The following DNASE1 variants were observed in gnomAD, a reference collection of about 807,000 sequenced individuals.
DNASE1 encodes the protein deoxyribonuclease 1.
In DNASE1, 40 loss-of-function variants were observed where a neutral mutation model predicts 33.9. The ratio of observed to expected loss-of-function variants is 1.18; its 90% confidence interval spans 0.92 to 1.54. The LOEUF is 1.54. Among genes scored for constraint, DNASE1 ranks in the 40% most tolerant of loss-of-function variants. DNASE1 has a pLI of 0.00. For synonymous variants in DNASE1, 216 were observed against 160.0 expected (o/e 1.35, Z -2.64); for missense variants, 518 against 372.6 (o/e 1.39, Z -3.21).
upstream of DNASE1, among the ~76,000 whole-genome samples, chr16:3,641,619 C>A (rs779084218): frequency 6.6e-5 from 10 of 152,234 alleles, no homozygotes; most frequent in Non-Finnish European, 1.2e-4. Context: ...CCCACAGGTG[C>A]CCTCAGAAAA....
At chr16:3,618,318 G>T (rs778624609) in intron 1 of DNASE1, among the ~76,000 whole-genome samples, 10 of 152,092 alleles carry the variant, frequency 6.6e-5, no homozygotes, top group Non-Finnish European at 1.3e-4. Context: ...TTGCTGGAGG[G>T]AATGTAAAAT....
At chr16:3,651,644 T>C (rs1002319934), upstream of DNASE1, 1 of 152,248 alleles carries the variant, frequency 6.6e-6, no homozygotes, top group Admixed American at 6.5e-5. Context: ...CGTGTTCTGC[T>C]TGTGCCCTGG....
chr16:3,656,812 C>G (rs2042677705), intron 5 of DNASE1, 59 bp downstream of exon 5: 1 of 1,549,910 alleles, frequency 6.5e-7, no homozygotes, highest in South Asian at 1.2e-5. Flanking sequence ...TCCACCCCCT[C>G]CTAGGGAACC....
intron 1 of DNASE1, among the ~76,000 whole-genome samples, chr16:3,636,221 C>A (rs1204157099): frequency 6.6e-6 from 1 of 150,708 alleles, no homozygotes; most frequent in Non-Finnish European, 1.5e-5. Context: ...ATCGATGAAT[C>A]CATCAAAGGC....
chr16:3,617,067 C>T (rs1041759078), intron 1 of DNASE1, among the ~76,000 whole-genome samples: 10 of 151,930 alleles, frequency 6.6e-5, no homozygotes, highest in South Asian at 2.1e-4. Context: ...GTAGGCTGGG[C>T]GTGGTGGCTC....
At chr16:3,630,466 C>A (rs2151176543) in intron 1 of DNASE1, among the ~76,000 whole-genome samples, 1 of 152,268 alleles carries the variant, frequency 6.6e-6, no homozygotes. Flanking sequence ...CGGGCATGAG[C>A]CACTGTTTCT....
upstream of DNASE1, among the ~76,000 whole-genome samples, chr16:3,650,355 A>C (rs1026715210): frequency 2.2e-4 from 34 of 152,318 alleles, no homozygotes; most frequent in African/African-American, 7.9e-4. Flanking sequence ...TATTCTAAAT[A>C]AGGCTAATTT....
downstream of DNASE1, chr16:3,662,577 C>A: frequency 1.7e-6 from 1 of 604,816 alleles, no homozygotes; most frequent in Non-Finnish European, 3.1e-6. Context: ...GCTGGGGTAG[C>A]ATGTCCCTTG....
At chr16:3,647,938 C>G (rs1283803000) in intron 1 of DNASE1, among the ~76,000 whole-genome samples, 2 of 151,816 alleles carry the variant, frequency 1.3e-5, no homozygotes, top group Non-Finnish European at 2.9e-5. Context: ...AAGGCTGAGG[C>G]GGGCGGATCA....
At chr16:3,657,401 A>C in intron 7 of DNASE1, 60 bp downstream of exon 7, 3 of 1,595,734 alleles carry the variant, frequency 1.9e-6, no homozygotes, top group Non-Finnish European at 2.6e-6. Context: ...GCCGTGACTC[A>C]TAGGTCGGGC....
chr16:3,614,702 C>T (rs767736522), intron 1 of DNASE1, among the ~76,000 whole-genome samples: 1 of 152,308 alleles, frequency 6.6e-6, no homozygotes, highest in African/African-American at 2.4e-5. Context: ...AAGTTGTTTA[C>T]TGTCTTGAGG....
At chr16:3,654,187 C>G (rs946757621), upstream of DNASE1, 2 of 396,184 alleles carry the variant, frequency 5.0e-6, no homozygotes, top group African/African-American at 4.1e-5. Context: ...GCTGCCCTGC[C>G]CTTGTGACCT....
At chr16:3,655,166 T>TC in intron 1 of DNASE1, 122 bp downstream of exon 1, 1 of 673,396 alleles carries the variant, frequency 1.5e-6, no homozygotes, top group Non-Finnish European at 2.5e-6. Context: ...GGGCGGGTTT[T>TC]CTGGTGGATG....
downstream of DNASE1, chr16:3,659,155 A>G (rs1003676247): frequency 5.0e-5 from 16 of 322,796 alleles, no homozygotes; most frequent in Admixed American, 7.9e-4. Flanking sequence ...CTTGGTTCCT[A>G]GATAAATAAT....
intron 1 of DNASE1, among the ~76,000 whole-genome samples, chr16:3,620,428 C>T (rs1194431427): frequency 6.7e-6 from 1 of 149,578 alleles, no homozygotes; most frequent in Admixed American, 6.7e-5. Flanking sequence ...GCAGCGTGGC[C>T]TGATCATAGC....
At chr16:3,614,377 A>G (rs2041026791) in intron 1 of DNASE1, among the ~76,000 whole-genome samples, 1 of 152,176 alleles carries the variant, frequency 6.6e-6, no homozygotes, top group African/African-American at 2.4e-5. Flanking sequence ...TACATTTCTC[A>G]AGAAAAGGAG....
chr16:3,657,828 C>T lies in DNASE1; in HGVS notation c.801+12C>T. The T allele has an allele frequency of 6.2e-7, 1 of 1,614,058 alleles. No individual in the cohort carries two copies. Among genetic ancestry groups the T allele is most frequent in the Non-Finnish European group, 8.5e-7 (1 of 1,180,038 alleles). ...TGAGTGACCAACTGGTATGTGTCCT[C>T]CCTTGCACAGCCACATGAGGATGGG... On this transcript the variant is annotated intron_variant, in intron 8 of 8. Coordinates refer to ENST00000246949, the MANE Select transcript of DNASE1 (RefSeq NM_005223.4).
downstream of DNASE1, chr16:3,658,459 GGCTCACGA>G (rs1317928158): frequency 1.7e-5 from 10 of 584,112 alleles, no homozygotes; most frequent in Non-Finnish European, 2.7e-5. Context: ...TGGGCACGGT[GGCTCACGA>G]GGTCAGGAGA....
intron 1 of DNASE1, among the ~76,000 whole-genome samples, chr16:3,612,339 C>T (rs1016172878): frequency 2.0e-5 from 3 of 152,054 alleles, no homozygotes; most frequent in African/African-American, 7.2e-5. Context: ...CAACCTCTGT[C>T]TCCCGGGTTC....
Sources: allele counts gnomAD v4.1 joint callset (sites outside exome capture counted in the v4.1 genomes callset), GRCh38; gene constraint gnomAD v4.1.1; transcripts MANE v1.5; gene names NCBI Gene and HGNC (gene_info 2026-07-23, HGNC 2026-07-21).